Variants in MERTK observed in about 807,000 individuals in gnomAD.
MERTK encodes tyrosine-protein kinase Mer.
A neutral mutation model predicts 99.3 loss-of-function variants in MERTK; 69 were observed. The observed-to-expected ratio is 0.70, with a 90% CI of 0.57 to 0.85. The LOEUF is 0.85. Among genes scored for constraint, MERTK ranks in the 40% least tolerant of loss-of-function variants. MERTK has a pLI of 0.00. For synonymous variants in MERTK, 426 were observed against 467.6 expected (o/e 0.91, Z 1.15); for missense variants, 1,125 against 1,249.4 (o/e 0.90, Z 1.50).
At chr2:111,940,969 G>C in intron 2 of MERTK, 1 of 631,950 alleles carries the variant, frequency 1.6e-6, no homozygotes, top group Non-Finnish European at 3.1e-6. Flanking sequence ...TCTAAATTCT[G>C]TTTCATCTTT....
chr2:111,961,532 G>A (rs867038380), intron 4 of MERTK, among the ~76,000 whole-genome samples: 4 of 152,068 alleles, frequency 2.6e-5, no homozygotes, highest in Non-Finnish European at 5.9e-5. Context: ...AGTATTCCTC[G>A]TCTTTGAAAA....
intron 2 of MERTK, among the ~76,000 whole-genome samples, chr2:111,932,484 A>C (rs1684691802): frequency 6.6e-6 from 1 of 152,210 alleles, no homozygotes; most frequent in East Asian, 1.9e-4. Context: ...CCTGGCCATG[A>C]TGAGCATTTA....
intron 11 of MERTK, among the ~76,000 whole-genome samples, 187 bp from the exon 12 acceptor site, chr2:112,002,905 A>G (rs537037589): frequency 1.3e-5 from 2 of 152,298 alleles, no homozygotes; most frequent in South Asian, 4.1e-4. Flanking sequence ...CCCAGGAGGC[A>G]GAGGTTGCAG....
Position 111,947,546 on chromosome 2 carries a change from C to A in MERTK, c.736C>A (p.Pro246Thr). ...TGTTAACGAACAGCCTGAAAAATCCCCCTCCGTGCTAACTGTTCCAGGTAA... is the reference window on the plus strand; with the variant it reads ...TGTTAACGAACAGCCTGAAAAATCCACCTCCGTGCTAACTGTTCCAGGTAA... ...SRVNEQPEKS[P>T]SVLTVPGLTE... Residue 246 changes from proline to threonine, a missense_variant, in exon 4 of 19, where the codon CCC becomes ACC. Physicochemically the swap from Pro to Thr is conservative, Grantham distance 38. Coordinates refer to ENST00000295408, the MANE Select transcript of MERTK (RefSeq NM_006343.3). The A allele has an allele frequency of 6.2e-7, 1 of 1,614,104 alleles. No individual in the cohort carries two copies. Among genetic ancestry groups the A allele is most frequent in the Non-Finnish European group, 8.5e-7 (1 of 1,180,026 alleles).
rs1684937977 is a variant in MERTK at position 111,944,966 on chromosome 2, C to T, written c.489C>T (p.Thr163=). The change falls in exon 3 of 19, where the codon ACC becomes ACT. Residue 163 remains threonine (T), a synonymous_variant. Coordinates refer to ENST00000295408, the MANE Select transcript of MERTK (RefSeq NM_006343.3). ...CATGTGTTTTTCTTTGCAGCATAACCAGTGTGCAGCGTTCAGACAATGGGT... is the reference window on the plus strand; with the variant it reads ...CATGTGTTTTTCTTTGCAGCATAACTAGTGTGCAGCGTTCAGACAATGGGT... ...VTAIIASFSI[T]SVQRSDNGSY... is the part of the protein sequence containing the mutation. The T allele has an allele frequency of 1.9e-6, 3 of 1,612,656 alleles. No individual in the cohort carries two copies. In the South Asian group the frequency reaches 3.3e-5, roughly 18 times the overall value.
intron 10 of MERTK, among the ~76,000 whole-genome samples, chr2:111,997,922 C>G (rs1230600142): frequency 1.3e-5 from 2 of 152,180 alleles, no homozygotes; most frequent in East Asian, 3.9e-4. Flanking sequence ...CATGATGGCA[C>G]ACGCCTGTAA....
intron 8 of MERTK, among the ~76,000 whole-genome samples, chr2:111,992,795 A>G (rs1389859064): frequency 6.6e-6 from 1 of 151,942 alleles, no homozygotes; most frequent in Non-Finnish European, 1.5e-5. Context: ...ATAATAAACC[A>G]GTGAATGTCT....
intron 4 of MERTK, among the ~76,000 whole-genome samples, chr2:111,957,447 A>G (rs1285148505): frequency 1.3e-5 from 2 of 151,988 alleles, no homozygotes; most frequent in African/African-American, 4.8e-5. Context: ...GCCATTTCTC[A>G]AGGAACCACC....
intron 1 of MERTK, among the ~76,000 whole-genome samples, chr2:111,925,366 A>C (rs1326683177): frequency 8.2e-6 from 1 of 122,330 alleles, no homozygotes; most frequent in African/African-American, 3.1e-5. Context: ...CAATGGTGAG[A>C]TCTTGGCTTA....
At position 111,936,659 on chromosome 2, in the gene MERTK, C is replaced by T. The variant is rs79509452; in HGVS notation, c.482+7119C>T. ...GTGTCTGCTACAGGTTGAGGTCCCT[C>T]GAGAGCATTCACCTGGCCTCCTTTA... is the stretch of plus-strand genomic sequence containing the variant. On this transcript the variant is annotated intron_variant, in intron 2 of 18. Transcript: ENST00000295408. Among the ~76,000 whole-genome samples, 78 of 152,260 alleles carry T rather than the reference C, an allele frequency of 5.1e-4. 3 individuals carry two copies. In the East Asian group the frequency reaches 0.015, roughly 29 times the overall value.
In MERTK at chr2:112,001,280, C is replaced by A. The variant is rs1338782600; in HGVS notation, c.1684C>A (p.Leu562Ile). 1 of 1,611,862 alleles carries A rather than the reference C, an allele frequency of 6.2e-7. No individual in the cohort carries two copies. The highest frequency in any genetic ancestry group is 1.3e-5 in the African/African-American group (1 of 74,866). ...KKSFCRRAIELTLHSLGVSEE... is the reference protein window; with the variant it reads ...KKSFCRRAIEITLHSLGVSEE... ...ATCCTTCTGTCGGCGAGCCATTGAA[C>A]TTACCTGTAAGTTGACTTTCATTTC... The change falls in exon 11 of 19, where the codon CTT becomes ATT. Residue 562 changes from leucine (L) to isoleucine (I), a missense_variant. Coordinates refer to ENST00000295408, the MANE Select transcript of MERTK (RefSeq NM_006343.3).
intron 10 of MERTK, among the ~76,000 whole-genome samples, chr2:112,000,169 G>A (rs4521048): frequency 0.29 from 44,373 of 151,958 alleles, 6,918 homozygotes; most frequent in African/African-American, 0.38. Flanking sequence ...GTGGATCTTC[G>A]GTTGCTTCAG....
chr2:112,026,168 T>G (rs1162810532), intron 18 of MERTK: 1 of 154,370 alleles, frequency 6.5e-6, no homozygotes, highest in Non-Finnish European at 1.5e-5. Flanking sequence ...TCTACTACGA[T>G]GAAATTGCCC....
At chr2:112,016,024 C>A (rs1182893739) in intron 15 of MERTK, among the ~76,000 whole-genome samples, 1 of 152,092 alleles carries the variant, frequency 6.6e-6, no homozygotes, top group Non-Finnish European at 1.5e-5. Context: ...AACTCTGTGC[C>A]CATCCTTTGC....
intron 2 of MERTK, among the ~76,000 whole-genome samples, chr2:111,936,946 G>A (rs1684775376): frequency 6.6e-6 from 1 of 152,138 alleles, no homozygotes; most frequent in Non-Finnish European, 1.5e-5. Flanking sequence ...CAACACTCCA[G>A]AAGGGCAGCA....
At chr2:111,959,890 T>G (rs1305766824) in intron 4 of MERTK, among the ~76,000 whole-genome samples, 1 of 152,184 alleles carries the variant, frequency 6.6e-6, no homozygotes, top group Non-Finnish European at 1.5e-5. Flanking sequence ...AAATTAAAAC[T>G]GAAAACTTTT....
intron 2 of MERTK, among the ~76,000 whole-genome samples, chr2:111,944,723 G>T (rs1428520234): frequency 6.6e-6 from 1 of 152,158 alleles, no homozygotes. Flanking sequence ...CCATCATGAA[G>T]AGTAATGTGC....
chr2:111,973,913 A>G (rs1319558479), intron 6 of MERTK, among the ~76,000 whole-genome samples: 1 of 151,196 alleles, frequency 6.6e-6, no homozygotes, highest in African/African-American at 2.4e-5. Context: ...AGGGAAAGAT[A>G]AGGCAGTATG....
At chr2:111,971,815 T>A (rs1353617148) in intron 6 of MERTK, among the ~76,000 whole-genome samples, 1 of 152,214 alleles carries the variant, frequency 6.6e-6, no homozygotes, top group African/African-American at 2.4e-5. Context: ...GGTTTAGGTC[T>A]TGTTGGTTTA....
Sources: allele counts gnomAD v4.1 joint callset (sites outside exome capture counted in the v4.1 genomes callset), GRCh38; gene constraint gnomAD v4.1.1; transcripts MANE v1.5; gene names NCBI Gene and HGNC (gene_info 2026-07-23, HGNC 2026-07-21).